The following PDXDC1 variants were observed in gnomAD, a reference collection of about 807,000 sequenced individuals.
The protein encoded by PDXDC1 is pyridoxal dependent decarboxylase domain containing 1.
In PDXDC1, 42 loss-of-function variants were observed where a neutral mutation model predicts 100.1. That is an observed-to-expected ratio of 0.42 (90% CI 0.33 to 0.54). The LOEUF (loss-of-function observed/expected upper bound fraction) is 0.54, where lower values mean the gene tolerates loss of function less well. Ranked by LOEUF, PDXDC1 falls within the 20% of genes least tolerant of loss-of-function variation. The probability of loss-of-function intolerance (pLI) is 0.10; values close to 1 mark genes in which losing one functional copy is unlikely to be tolerated. For missense variants in PDXDC1, 636 were observed against 979.2 expected, an observed-to-expected ratio of 0.65 and a Z score of 4.68; for synonymous variants, 260 against 371.7, an observed-to-expected ratio of 0.70 and a Z score of 3.46.
intron 16 of PDXDC1, chr16:15,104,709 C>G: frequency 6.3e-7 from 1 of 1,597,434 alleles, no homozygotes; most frequent in Non-Finnish European, 8.5e-7. Context: ...GAGGTAGGGC[C>G]AGCAGGGCAA....
intron 16 of PDXDC1, chr16:15,125,564 C>G: frequency 6.4e-7 from 1 of 1,556,870 alleles, no homozygotes; most frequent in Non-Finnish European, 8.8e-7. Context: ...TTAGAATCAT[C>G]CAGAAACAAG....
intron 16 of PDXDC1, chr16:15,068,164 C>G (rs751293013): frequency 6.5e-7 from 1 of 1,547,844 alleles, no homozygotes; most frequent in African/African-American, 1.4e-5. Context: ...GCGTAAATAA[C>G]TTACTTTGTG....
chr16:15,092,421 C>A (rs1345260541), intron 16 of PDXDC1: 3 of 787,608 alleles, frequency 3.8e-6, no homozygotes, highest in Non-Finnish European at 6.7e-6. Context: ...CTTAATTAAT[C>A]TTGCTATTTC....
intron 16 of PDXDC1, among the ~76,000 whole-genome samples, chr16:15,087,525 C>G (rs1054330327): frequency 6.6e-6 from 1 of 152,154 alleles, no homozygotes; most frequent in Non-Finnish European, 1.5e-5. Context: ...CTTAATTCAG[C>G]TACTGAGTGC....
At chr16:15,041,417 G>A (rs1453476531), downstream of PDXDC1, among the ~76,000 whole-genome samples, 1 of 152,086 alleles carries the variant, frequency 6.6e-6, no homozygotes, top group East Asian at 1.9e-4. Flanking sequence ...CCTGGTAGAC[G>A]AGGGGGCTGC....
intron 16 of PDXDC1, among the ~76,000 whole-genome samples, chr16:15,102,695 A>C (rs1426869763): frequency 6.9e-6 from 1 of 144,562 alleles, no homozygotes; most frequent in African/African-American, 2.6e-5. Flanking sequence ...TCCCACCTGT[A>C]ATCCCAGCAT....
intron 1 of PDXDC1, among the ~76,000 whole-genome samples, chr16:14,990,595 A>G (rs1354648601): frequency 6.6e-6 from 1 of 152,268 alleles, no homozygotes; most frequent in African/African-American, 2.4e-5. Context: ...ATTTTGAATT[A>G]TCCAATTAAT....
chr16:15,122,207 C>G (rs952015629), intron 16 of PDXDC1, among the ~76,000 whole-genome samples: 43 of 151,530 alleles, frequency 2.8e-4, no homozygotes, highest in African/African-American at 9.9e-4. Context: ...CCAGATGACA[C>G]AAATCAAATG....
intron 16 of PDXDC1, chr16:15,104,413 CT>C: frequency 6.6e-5 from 97 of 1,459,254 alleles, no homozygotes; most frequent in East Asian, 1.9e-4. Flanking sequence ...TGGGAGGTGT[CT>C]TGAGATTATC....
intron 16 of PDXDC1, among the ~76,000 whole-genome samples, chr16:15,070,821 C>G (rs1466853545): frequency 4.6e-5 from 7 of 151,836 alleles, no homozygotes; most frequent in Admixed American, 1.3e-4. Flanking sequence ...GAAAAAATGA[C>G]AAACCTACAA....
chr16:14,974,961 G>A (rs1292086254), upstream of PDXDC1: 1 of 1,535,112 alleles, frequency 6.5e-7, no homozygotes, highest in Non-Finnish European at 8.7e-7. Flanking sequence ...GGGAGGGCCG[G>A]CGTGGCGCCC....
intron 16 of PDXDC1, among the ~76,000 whole-genome samples, chr16:15,054,452 C>T (rs2044420394): frequency 6.6e-6 from 1 of 152,190 alleles, no homozygotes; most frequent in African/African-American, 2.4e-5. Context: ...TAGAGCATCC[C>T]CTAAATTCTT....
chr16:15,002,563 T>C (rs994996933), intron 4 of PDXDC1, among the ~76,000 whole-genome samples: 23 of 152,292 alleles, frequency 1.5e-4, no homozygotes, highest in Admixed American at 7.9e-4. Flanking sequence ...TTTTATTTTA[T>C]TGGTCCCCTG....
At chr16:15,016,488 T>G in intron 9 of PDXDC1, 1 of 788,384 alleles carries the variant, frequency 1.3e-6, no homozygotes, top group South Asian at 2.4e-5. Context: ...TGGGCTTGGT[T>G]TCCTCTATCT....
intron 16 of PDXDC1, chr16:15,131,499 C>G (rs945510246): frequency 2.5e-6 from 4 of 1,607,552 alleles, no homozygotes; most frequent in Middle Eastern, 2.3e-4. Flanking sequence ...GCAGGCTCCG[C>G]GGGTCCGAGC....
chr16:15,133,022 G>A lies in PDXDC1; in HGVS notation c.1400-5857G>A, dbSNP rs572787344. 5 of 1,181,650 alleles carry A rather than the reference G, an allele frequency of 4.2e-6. No individual in the cohort carries two copies. In the African/African-American group the frequency reaches 7.5e-5, roughly 18 times the overall value. 73.2% of individuals were successfully genotyped at this position (1,181,650 alleles called of 1,614,324 possible). Reference sequence around the variant, plus strand: ...CGCAACACTGAGCTGTTTCTTCATGGGCAAAACAGGGTAAGCACATGGGCC... The same window carrying A: ...CGCAACACTGAGCTGTTTCTTCATGAGCAAAACAGGGTAAGCACATGGGCC... On this transcript the variant is annotated intron_variant, in intron 16 of 16. Coordinates refer to the PDXDC1 transcript ENST00000535621.
chr16:15,096,379 G>A (rs1598046224), intron 16 of PDXDC1, among the ~76,000 whole-genome samples: 1 of 152,244 alleles, frequency 6.6e-6, no homozygotes, highest in Non-Finnish European at 1.5e-5. Context: ...AAAGTGCTGG[G>A]ATTACAGGCA....
chr16:15,050,540 CT>C (rs1271029877), intron 16 of PDXDC1, among the ~76,000 whole-genome samples: 1 of 152,100 alleles, frequency 6.6e-6, no homozygotes, highest in Non-Finnish European at 1.5e-5. Context: ...CAAAACCAGC[CT>C]GGGCAACAAG....
chr16:15,145,879 T>C, the PDXDC1 span, among the ~76,000 whole-genome samples: 1 of 152,186 alleles, frequency 6.6e-6, no homozygotes, highest in East Asian at 1.9e-4. Flanking sequence ...CCAGGGTGCT[T>C]GGCGGGCTGG....
Sources: gnomAD v4.1 joint callset for allele counts (sites outside exome capture counted in the v4.1 genomes callset) on GRCh38, gnomAD v4.1.1 for gene constraint, MANE v1.5 for transcripts, NCBI Gene and HGNC (gene_info 2026-07-23, HGNC 2026-07-21) for gene names.